Variants in NENF observed in about 807,000 individuals in gnomAD.
NENF encodes the protein neudesin.
In NENF, 6 loss-of-function variants were observed where a neutral mutation model predicts 14.8. That is an observed-to-expected ratio of 0.40 (90% CI 0.22 to 0.80). NENF has a LOEUF of 0.80. Ranked by LOEUF, NENF falls within the 30% of genes least tolerant of loss-of-function variation. The probability of loss-of-function intolerance (pLI) is 0.34; values close to 1 mark genes in which losing one functional copy is unlikely to be tolerated. For synonymous variants in NENF, 76 were observed against 95.1 expected (o/e 0.80, Z 1.17); for missense variants, 184 against 212.7 (o/e 0.87, Z 0.84).
intron 1 of NENF, among the ~76,000 whole-genome samples, chr1:212,436,759 T>G (rs1431391854): frequency 6.6e-6 from 1 of 152,090 alleles, no homozygotes; most frequent in African/African-American, 2.4e-5. Flanking sequence ...AATTGACACA[T>G]AAAATAAATC....
At chr1:212,444,519 G>A (rs1439148178) in intron 3 of NENF, 77 bp downstream of exon 3, 7 of 34,964 alleles carry the variant, frequency 2.0e-4, no homozygotes, top group Non-Finnish European at 2.8e-4. Context: ...TTTTCTTTTC[G>A]TGTGTGTGTG....
intron 1 of NENF, among the ~76,000 whole-genome samples, chr1:212,438,563 C>T (rs1662644474): frequency 6.6e-6 from 1 of 151,556 alleles, no homozygotes. Flanking sequence ...CACTCTGTCA[C>T]CCAGGCTGGA....
At chr1:212,440,344 T>C (rs912426975) in intron 1 of NENF, among the ~76,000 whole-genome samples, 2 of 152,006 alleles carry the variant, frequency 1.3e-5, no homozygotes, top group Non-Finnish European at 2.9e-5. Context: ...ATGATAGCTG[T>C]AATATATTTT....
intron 1 of NENF, among the ~76,000 whole-genome samples, chr1:212,439,864 C>G (rs1174874505): frequency 6.0e-5 from 9 of 150,698 alleles, no homozygotes; most frequent in African/African-American, 1.7e-4. Flanking sequence ...CGTCCCCCCC[C>G]CACAAAAAAA....
rs772579807 is a variant in NENF, at chr1:212,444,343, T to C, written c.243T>C (p.Phe81=). 6.3e-7 allele frequency: 1 copy of C among 1,597,392 alleles called. No individual in the cohort carries two copies. The highest frequency in any genetic ancestry group is 8.5e-7 in the Non-Finnish European group (1 of 1,171,066). The change falls in exon 3 of 4, where the codon TTT becomes TTC. Residue 81 remains phenylalanine, a synonymous_variant. Coordinates refer to ENST00000366988, the MANE Select transcript of NENF (RefSeq NM_013349.5). ...VVFDVTSGKE[F]YGRGAPYNAL... is the part of the protein sequence containing the mutation. ...CTTCCTTCCTTCCCACTACAGAGTT[T>C]TATGGACGAGGAGCCCCCTACAATG...
rs1363878919 is a variant in NENF at position 212,433,036 on chromosome 1, C to T, written c.93C>T (p.Ala31=). 2.9e-5 allele frequency: 34 copies of T among 1,184,334 alleles called. No homozygotes were observed. Among genetic ancestry groups the T allele is most frequent in the Non-Finnish European group, 3.4e-5 (33 of 957,318 alleles). The allele number at this position is 1,184,334 out of a possible 1,614,324, so 73.4% of individuals were successfully genotyped here. Residue 31 remains alanine (A), a synonymous_variant, in exon 1 of 4, where the codon GCC becomes GCT. Coordinates refer to ENST00000366988, the MANE Select transcript of NENF (RefSeq NM_013349.5). This position sits in a 1 kb window ranked among gnomAD's most constrained non-coding sequence, Gnocchi z 5.5. The part of the protein sequence containing the change: ...ALAPGLPTAR[A]GQTPRPAERG... ...CCCCGGGGCTGCCCACAGCCCGGGC[C>T]GGGCAGACACCGCGCCCTGCCGAGC...
chr1:212,439,073 C>T (rs1662653022), intron 1 of NENF, among the ~76,000 whole-genome samples: 1 of 152,162 alleles, frequency 6.6e-6, no homozygotes, highest in African/African-American at 2.4e-5. Context: ...ACAGCACGCT[C>T]TGTTTACTGA....
In NENF at chr1:212,444,350, C is replaced by A; in HGVS notation, c.250C>A (p.Arg84=). 6.3e-7 allele frequency: 1 copy of A among 1,599,582 alleles called. No homozygotes were observed. The highest frequency in any genetic ancestry group is 8.5e-7 in the Non-Finnish European group (1 of 1,172,062). ...DVTSGKEFYG[R]GAPYNALTGK... is the part of the protein sequence containing the mutation. ...CCTTCCCACTACAGAGTTTTATGGA[C>A]GAGGAGCCCCCTACAATGCCTTGAC... The change falls in exon 3 of 4, where the codon CGA becomes AGA. Residue 84 remains arginine, a synonymous_variant. Coordinates refer to ENST00000366988, the MANE Select transcript of NENF (RefSeq NM_013349.5).
intron 1 of NENF, 59 bp from the exon 2 acceptor site, chr1:212,442,506 G>A (rs1662713493): frequency 1.2e-5 from 16 of 1,287,052 alleles, no homozygotes; most frequent in Non-Finnish European, 1.8e-5. Context: ...ATTTTACTAA[G>A]TTGCACTGGA....
At chr1:212,443,540 A>T (rs1218785582) in intron 2 of NENF, among the ~76,000 whole-genome samples, 1 of 151,972 alleles carries the variant, frequency 6.6e-6, no homozygotes, top group African/African-American at 2.4e-5. Context: ...TTACAGGTGC[A>T]CGCCACCATG....
chr1:212,444,517 T>C, intron 3 of NENF, 75 bp downstream of exon 3: 1 of 842,462 alleles, frequency 1.2e-6, no homozygotes, highest in Non-Finnish European at 1.8e-6. Context: ...CTTTTTCTTT[T>C]CGTGTGTGTG....
At chr1:212,444,684 C>A (rs7553792) in intron 3 of NENF, among the ~76,000 whole-genome samples, 5,390 of 152,080 alleles carry the variant, frequency 0.035, 205 homozygotes, top group East Asian at 0.13. Context: ...GACTCAGAAA[C>A]CTTCCATGGC....
At position 212,444,377 on chromosome 1, in the gene NENF, GGGAA is replaced by G. The variant is rs781643564; in HGVS notation, c.281_284del (p.Lys94ThrfsTer6). The G allele has an allele frequency of 6.2e-7, 1 of 1,607,466 alleles. No homozygotes were observed. Among genetic ancestry groups the G allele is most frequent in the South Asian group, 1.1e-5 (1 of 89,954 alleles). On this transcript the variant is annotated frameshift_variant, in exon 3 of 4. Transcript: ENST00000366988. LOFTEE classifies it high-confidence loss of function. ...AGGAGCCCCCTACAATGCCTTGACGGGGAAGGACTCCACTAGAGGGGTAGCCAAG... is the reference window on the plus strand; with the variant it reads ...AGGAGCCCCCTACAATGCCTTGACGGGGACTCCACTAGAGGGGTAGCCAAG...
At chr1:212,444,697 T>G (rs1338156015) in intron 3 of NENF, among the ~76,000 whole-genome samples, 1 of 152,140 alleles carries the variant, frequency 6.6e-6, no homozygotes, top group East Asian at 1.9e-4. Flanking sequence ...TCCATGGCTG[T>G]CTGTTGCCTA....
chr1:212,443,822 T>A (rs1179566884), intron 2 of NENF, among the ~76,000 whole-genome samples: 1 of 151,548 alleles, frequency 6.6e-6, no homozygotes. Context: ...GGTGGGCAGA[T>A]CATGTGAGCT....
intron 1 of NENF, among the ~76,000 whole-genome samples, chr1:212,436,188 A>T (rs1662598706): frequency 6.6e-6 from 1 of 152,166 alleles, no homozygotes; most frequent in Admixed American, 6.5e-5. Flanking sequence ...GGTTTATCAT[A>T]AGGATTGGTT....
At chr1:212,444,489 A>G in intron 3 of NENF, 47 bp downstream of exon 3, 1 of 1,251,616 alleles carries the variant, frequency 8.0e-7, no homozygotes, top group Non-Finnish European at 1.1e-6. Context: ...CTCCTTGTCC[A>G]TGCCTTTTTC....
chr1:212,444,673 C>T (rs1399046808), intron 3 of NENF, among the ~76,000 whole-genome samples: 1 of 151,914 alleles, frequency 6.6e-6, no homozygotes, highest in African/African-American at 2.4e-5. Context: ...CATGTCATCT[C>T]GACTCAGAAA....
rs1662557207 is a variant in NENF, at chr1:212,433,628, C to T, written c.177+508C>T. On this transcript the variant is annotated intron_variant, in intron 1 of 3. Coordinates refer to ENST00000366988, the MANE Select transcript of NENF (RefSeq NM_013349.5). The surrounding 1 kb of genome is among the most constrained non-coding windows in gnomAD (Gnocchi z 5.5). ...TCCCAGGCCTCTGCATCGGACTCCT[C>T]AAACCCACTTTTAGGTCATGTACCC... Among the ~76,000 whole-genome samples the T allele has an allele frequency of 1.3e-5, 2 of 152,022 alleles. No individual in the cohort carries two copies. The highest frequency in any genetic ancestry group is 6.5e-5 in the Admixed American group (1 of 15,272).
Sources: gnomAD v4.1 joint callset for allele counts (sites outside exome capture counted in the v4.1 genomes callset) on GRCh38, gnomAD v4.1.1 for gene constraint, Gnocchi (gnomAD v3.1) non-coding constraint, MANE v1.5 for transcripts, NCBI Gene and HGNC (gene_info 2026-07-23, HGNC 2026-07-21) for gene names.